The following ST3GAL2 variants were observed in gnomAD, a reference collection of about 807,000 sequenced individuals.
The protein encoded by ST3GAL2 is ST3 beta-galactoside alpha-2,3-sialyltransferase 2.
In ST3GAL2, 16 loss-of-function variants were observed where a neutral mutation model predicts 37.5. The ratio of observed to expected loss-of-function variants is 0.43; its 90% confidence interval spans 0.29 to 0.65. ST3GAL2 has a LOEUF of 0.65. Ranked by LOEUF, ST3GAL2 falls within the 30% of genes least tolerant of loss-of-function variation. ST3GAL2 has a pLI of 0.17. For missense variants in ST3GAL2, 383 were observed against 487.8 expected (o/e 0.79, Z 2.02); for synonymous variants, 238 against 202.9 (o/e 1.17, Z -1.47).
At chr16:70,386,848 G>C (rs923217756) in intron 4 of ST3GAL2, among the ~76,000 whole-genome samples, 1 of 152,148 alleles carries the variant, frequency 6.6e-6, no homozygotes, top group African/African-American at 2.4e-5. Flanking sequence ...GTTTCACCAT[G>C]TTGGCCAGGC....
At chr16:70,391,724 C>T (rs934727447) in intron 3 of ST3GAL2, among the ~76,000 whole-genome samples, 1 of 152,198 alleles carries the variant, frequency 6.6e-6, no homozygotes, top group African/African-American at 2.4e-5. Context: ...GTGACACAGG[C>T]TGGCCGGGGC....
chr16:70,380,757 A>T lies in ST3GAL2; in HGVS notation c.*932T>A, dbSNP rs1347178730. On this transcript the variant is annotated 3_prime_UTR_variant, in exon 7 of 7. Transcript: ENST00000342907. Reference sequence around the variant, plus strand: ...GGCAAGAGGCGATGGGTGGAGGAGGAGGTACATGCAGCGGGCAGCCGGGCC... The same window carrying T: ...GGCAAGAGGCGATGGGTGGAGGAGGTGGTACATGCAGCGGGCAGCCGGGCC... 2.6e-5 allele frequency: 4 copies of T among 152,722 alleles called. No individual in the cohort carries two copies. The highest frequency in any genetic ancestry group is 1.9e-4 in the East Asian group (1 of 5,204). 9.5% of individuals were successfully genotyped at this position (152,722 alleles called of 1,614,324 possible).
In ST3GAL2 at chr16:70,381,546, C is replaced by T; in HGVS notation, c.*143G>A. The T allele has an allele frequency of 2.0e-6, 2 of 995,076 alleles. No homozygotes were observed. The highest frequency in any genetic ancestry group is 5.3e-5 in the East Asian group (2 of 37,452). 61.6% of individuals were successfully genotyped at this position (995,076 alleles called of 1,614,324 possible). A position where few individuals can be genotyped will look rare whatever the true frequency, so the allele number is the denominator to read the frequency against. On this transcript the variant is annotated 3_prime_UTR_variant, in exon 7 of 7. Coordinates refer to ENST00000342907, the MANE Select transcript of ST3GAL2 (RefSeq NM_006927.4). ...AGCGCAGATTGGTGCCAGGCCCGGCCGGTCCCCCAGTCTCGTGATTGGCGG... is the reference window on the plus strand; with the variant it reads ...AGCGCAGATTGGTGCCAGGCCCGGCTGGTCCCCCAGTCTCGTGATTGGCGG...
chr16:70,407,106 A>AAC (rs928611639), intron 1 of ST3GAL2, among the ~76,000 whole-genome samples: 1 of 151,184 alleles, frequency 6.6e-6, no homozygotes, highest in African/African-American at 2.4e-5. Context: ...GAAAGGGAGT[A>AAC]ACTAGGGAAA....
intron 1 of ST3GAL2, among the ~76,000 whole-genome samples, chr16:70,420,662 CTT>C (rs1314234643): frequency 6.6e-6 from 1 of 152,234 alleles, no homozygotes; most frequent in Non-Finnish European, 1.5e-5. Flanking sequence ...GTAACTTGTT[CTT>C]TGTGAGCCAG....
chr16:70,427,890 T>C (rs1326198898), intron 1 of ST3GAL2, among the ~76,000 whole-genome samples: 1 of 152,230 alleles, frequency 6.6e-6, no homozygotes, highest in East Asian at 1.9e-4. Context: ...CCAGATCTAC[T>C]AAACGGACCC....
chr16:70,407,923 G>C (rs770386292), intron 1 of ST3GAL2, among the ~76,000 whole-genome samples: 1 of 152,124 alleles, frequency 6.6e-6, no homozygotes, highest in Non-Finnish European at 1.5e-5. Context: ...GAAAAGAAAC[G>C]TCAAAATAAG....
At chr16:70,401,829 C>T (rs1375212025) in intron 1 of ST3GAL2, among the ~76,000 whole-genome samples, 4 of 151,824 alleles carry the variant, frequency 2.6e-5, no homozygotes, top group African/African-American at 9.7e-5. Flanking sequence ...CCCATCTCTA[C>T]TAAAAATACA....
At chr16:70,397,728 A>AAAAC (rs769739395) in intron 2 of ST3GAL2, among the ~76,000 whole-genome samples, 99 of 152,326 alleles carry the variant, frequency 6.5e-4, no homozygotes, top group African/African-American at 2.3e-3. Context: ...TCCATCTCAA[A>AAAAC]AAACAAACAA....
At chr16:70,420,605 G>C (rs765242473) in intron 1 of ST3GAL2, among the ~76,000 whole-genome samples, 1 of 152,230 alleles carries the variant, frequency 6.6e-6, no homozygotes, top group African/African-American at 2.4e-5. Flanking sequence ...GTTATCTCCT[G>C]GAAGGGGAAT....
rs1304393130 is a variant in ST3GAL2, at chr16:70,381,631, C to T, written c.*58G>A. The stretch of plus-strand genomic sequence containing the variant: ...GGTCGCGGGTTGCTGGTCCTGGGTC[C>T]CGGGCCGGAGCCCCGGTGCCCGATA... On this transcript the variant is annotated 3_prime_UTR_variant, in exon 7 of 7. Coordinates refer to ENST00000342907, the MANE Select transcript of ST3GAL2 (RefSeq NM_006927.4). The T allele has an allele frequency of 2.5e-6, 4 of 1,582,540 alleles. No individual in the cohort carries two copies. In the South Asian group the frequency reaches 4.6e-5, roughly 18 times the overall value.
chr16:70,433,386 C>T (rs184544352), intron 1 of ST3GAL2, among the ~76,000 whole-genome samples: 15 of 152,282 alleles, frequency 9.9e-5, no homozygotes, highest in African/African-American at 3.4e-4. Context: ...AAGCCCCCTG[C>T]TTCACCACCT....
intron 4 of ST3GAL2, among the ~76,000 whole-genome samples, chr16:70,386,392 C>G (rs934905519): frequency 1.3e-5 from 2 of 152,088 alleles, no homozygotes; most frequent in Non-Finnish European, 2.9e-5. Flanking sequence ...TGGGGTTTCA[C>G]GGTGTTAGCC....
chr16:70,406,735 C>A (rs1427140924), intron 1 of ST3GAL2, among the ~76,000 whole-genome samples: 2 of 149,772 alleles, frequency 1.3e-5, no homozygotes, highest in Non-Finnish European at 3.0e-5. Context: ...GAGCCAAGAT[C>A]GTGCCACCGC....
intron 1 of ST3GAL2, among the ~76,000 whole-genome samples, chr16:70,432,167 T>C (rs562913802): frequency 6.6e-6 from 1 of 152,102 alleles, no homozygotes; most frequent in South Asian, 2.1e-4. Context: ...ATTGGTAAAA[T>C]TTTTAAAAAT....
At position 70,380,265 on chromosome 16, in the gene ST3GAL2, A is replaced by C. The variant is rs1374567287; in HGVS notation, c.*1424T>G. 1.3e-5 allele frequency: 2 copies of C among 152,216 alleles called. No individual in the cohort carries two copies. Among genetic ancestry groups the C allele is most frequent in the Non-Finnish European group, 2.9e-5 (2 of 68,046 alleles). The allele number at this position is 152,216 out of a possible 1,614,324, so 9.4% of individuals were successfully genotyped here. ...GCCCATCCCAACCCTCCCCTAACAAAGTCCCCTGCCGGTCCCTGTTCCCTC... is the reference window on the plus strand; with the variant it reads ...GCCCATCCCAACCCTCCCCTAACAACGTCCCCTGCCGGTCCCTGTTCCCTC... On this transcript the variant is annotated 3_prime_UTR_variant, in exon 7 of 7. Coordinates refer to ENST00000342907, the MANE Select transcript of ST3GAL2 (RefSeq NM_006927.4).
chr16:70,385,698 CTTTTTTTTTTT>C (rs1034830291), intron 4 of ST3GAL2, among the ~76,000 whole-genome samples: 2 of 92,210 alleles, frequency 2.2e-5, no homozygotes, highest in Non-Finnish European at 4.1e-5. Flanking sequence ...TTTTTTGGTT[CTTTTTTTTTTT>C]TTTTTTTTTT....
At chr16:70,423,805 T>C (rs1352210443) in intron 1 of ST3GAL2, among the ~76,000 whole-genome samples, 1 of 151,254 alleles carries the variant, frequency 6.6e-6, no homozygotes, top group African/African-American at 2.4e-5. Context: ...GTGCAGTGGC[T>C]CACGCTTGTA....
At chr16:70,393,213 G>A (rs566216831) in intron 3 of ST3GAL2, among the ~76,000 whole-genome samples, 122 of 152,074 alleles carry the variant, frequency 8.0e-4, no homozygotes, top group African/African-American at 2.9e-3. Context: ...GAGTAGCTGG[G>A]ATTATAGTTA....
Sources: gnomAD v4.1 joint callset for allele counts (sites outside exome capture counted in the v4.1 genomes callset) on GRCh38, gnomAD v4.1.1 for gene constraint, MANE v1.5 for transcripts, NCBI Gene and HGNC (gene_info 2026-07-23, HGNC 2026-07-21) for gene names.